CNTNAP2: variants seen among roughly 807,000 people sequenced by gnomAD.
The protein encoded by CNTNAP2 is contactin associated protein 2.
Under a neutral mutation model 155.2 loss-of-function variants are expected in CNTNAP2, and 98 were observed. The ratio of observed to expected loss-of-function variants is 0.63; its 90% confidence interval spans 0.54 to 0.75. The LOEUF is 0.75. CNTNAP2 is among the 30% of genes least tolerant of loss of function. The probability of loss-of-function intolerance (pLI) is 0.00; values close to 1 mark genes in which losing one functional copy is unlikely to be tolerated. For missense variants in CNTNAP2, 1,727 were observed against 1,688.1 expected (o/e 1.02, Z -0.40); for synonymous variants, 651 against 631.2 (o/e 1.03, Z -0.47).
chr7:148,247,619 CTCTCTCTATTTATTTATTTATT>C (rs56815738), intron 20 of CNTNAP2, among the ~76,000 whole-genome samples: 1,759 of 141,980 alleles, frequency 0.012, 28 homozygotes, highest in African/African-American at 0.042. Flanking sequence ...CTCTCTCTCT[CTCTCTCTATTTATTTATTTATT>C]TATTTATTTA....
chr7:147,083,920 T>C (rs1800206728), intron 4 of CNTNAP2, among the ~76,000 whole-genome samples: 1 of 139,702 alleles, frequency 7.2e-6, no homozygotes, highest in African/African-American at 2.6e-5. Context: ...CATATATACA[T>C]ATACACATGT....
chr7:148,178,653 C>T lies in CNTNAP2; in HGVS notation c.3010+6175C>T, dbSNP rs577692574. 1.4e-4 allele frequency among the ~76,000 whole-genome samples: 22 copies of T among 152,310 alleles called. 1 individual carries two copies. The highest frequency in any genetic ancestry group is 3.4e-3 in the Middle Eastern group (1 of 294). On this transcript the variant is annotated intron_variant, in intron 18 of 23. Coordinates refer to ENST00000361727, the MANE Select transcript of CNTNAP2 (RefSeq NM_014141.6). ...ATCCATCTTTCTCACATACCTGTTA[C>T]GTAACCTTAGGAAAATTGTTTGTCA... is the stretch of plus-strand genomic sequence containing the variant.
intron 15 of CNTNAP2, among the ~76,000 whole-genome samples, chr7:148,024,173 A>AAAAAAAAAAAAACC (rs796940228): frequency 6.8e-6 from 1 of 147,888 alleles, no homozygotes; most frequent in East Asian, 2.3e-4. Flanking sequence ...AAAAAAAAAA[A>AAAAAAAAAAAAACC]AAAAAACTTT....
intron 13 of CNTNAP2, among the ~76,000 whole-genome samples, chr7:147,872,200 T>C (rs902768097): frequency 1.3e-5 from 2 of 152,230 alleles, no homozygotes; most frequent in Non-Finnish European, 2.9e-5. Flanking sequence ...CAATTTCTGA[T>C]GTTATCATAC....
At chr7:148,414,176 A>G (rs1403913682) in intron 23 of CNTNAP2, among the ~76,000 whole-genome samples, 5 of 141,566 alleles carry the variant, frequency 3.5e-5, no homozygotes, top group African/African-American at 5.2e-5. Flanking sequence ...TCCCAGGTTC[A>G]AGCGATTCTC....
Position 147,675,320 on chromosome 7 carries a change from A to C in CNTNAP2, c.2098+36014A>C, listed in dbSNP as rs62480746. Among the ~76,000 whole-genome samples, 5 of 152,038 alleles carry C rather than the reference A, an allele frequency of 3.3e-5. No homozygotes were observed. In the South Asian group the frequency reaches 1.0e-3, roughly 32 times the overall value. On this transcript the variant is annotated intron_variant, in intron 13 of 23. Coordinates refer to ENST00000361727, the MANE Select transcript of CNTNAP2 (RefSeq NM_014141.6). The stretch of plus-strand genomic sequence containing the variant: ...TAATTTTGAGATCCTTAACTTAAAC[A>C]TATCTGCAAAAATCCAACTTTTCAA...
At chr7:147,993,404 T>C (rs990649525) in intron 15 of CNTNAP2, among the ~76,000 whole-genome samples, 3 of 152,226 alleles carry the variant, frequency 2.0e-5, no homozygotes, top group African/African-American at 4.8e-5. Flanking sequence ...TCATTTGTTA[T>C]TATTTAAGTA....
chr7:147,884,982 G>A (rs898817955), intron 13 of CNTNAP2, among the ~76,000 whole-genome samples: 12 of 152,354 alleles, frequency 7.9e-5, no homozygotes, highest in South Asian at 2.1e-4. Context: ...CATAAGCAGC[G>A]TCTTGCTCTG....
rs752626992 is a variant in CNTNAP2, at chr7:148,365,739, T to C, written c.3476-17910T>C. ...ATGTATACGTGTATATATGTATGTG[T>C]ATACATGTATACATGTATGTGTATA... On this transcript the variant is annotated intron_variant, in intron 21 of 23. Coordinates refer to ENST00000361727, the MANE Select transcript of CNTNAP2 (RefSeq NM_014141.6). Among the ~76,000 whole-genome samples the C allele has an allele frequency of 5.7e-3, 505 of 88,398 alleles. 87 individuals are homozygous for C. The highest frequency in any genetic ancestry group is 0.021 in the African/African-American group (485 of 23,476). The allele number at this position is 88,398 out of a possible 152,430, so 58.0% of individuals were successfully genotyped here.
intron 3 of CNTNAP2, among the ~76,000 whole-genome samples, chr7:147,023,335 T>C (rs1798847772): frequency 6.6e-6 from 1 of 152,208 alleles, no homozygotes. Context: ...CAAGGACCCA[T>C]TTATCATGCT....
intron 1 of CNTNAP2, among the ~76,000 whole-genome samples, chr7:146,605,688 A>G (rs1270432820): frequency 6.6e-6 from 1 of 152,202 alleles, no homozygotes; most frequent in African/African-American, 2.4e-5. Context: ...TTGAATCCAC[A>G]AAAAGAAGAT....
At chr7:146,335,244 G>A (rs1398622831) in intron 1 of CNTNAP2, among the ~76,000 whole-genome samples, 2 of 152,160 alleles carry the variant, frequency 1.3e-5, no homozygotes, top group East Asian at 1.9e-4. Flanking sequence ...CATCTTGAAT[G>A]TAGTGTTAGT....
intron 3 of CNTNAP2, among the ~76,000 whole-genome samples, chr7:146,974,295 A>T (rs1797863047): frequency 6.6e-6 from 1 of 151,894 alleles, no homozygotes; most frequent in Non-Finnish European, 1.5e-5. Context: ...AAAATTAGCC[A>T]GGTGTGGTGG....
intron 5 of CNTNAP2, among the ~76,000 whole-genome samples, chr7:147,110,366 T>A (rs936532756): frequency 7.1e-6 from 1 of 141,086 alleles, no homozygotes; most frequent in East Asian, 2.0e-4. Context: ...ACCTTTTTCT[T>A]TTTTTTTTTT....
chr7:147,121,179 T>G lies in CNTNAP2; in HGVS notation c.939+16T>G. 6.2e-7 allele frequency: 1 copy of G among 1,612,474 alleles called. No individual in the cohort carries two copies. On this transcript the variant is annotated intron_variant, in intron 6 of 23. Transcript: ENST00000361727. ...GGACTATGAGGTACATGTGATGACG[T>G]AGAAATTGTAATAAAATGTCAAGCA... is the stretch of plus-strand genomic sequence containing the variant.
rs1350339945 is a variant in CNTNAP2 at position 146,254,492 on chromosome 7, T to A, written c.97+137519T>A. On this transcript the variant is annotated intron_variant, in intron 1 of 23. Coordinates refer to ENST00000361727, the MANE Select transcript of CNTNAP2 (RefSeq NM_014141.6). ...TGAAAACAGGAAGTAAGACAGTAAA[T>A]GGAGGAAGTCATTTAGATTTGATAG... 2.0e-5 allele frequency among the ~76,000 whole-genome samples: 3 copies of A among 152,156 alleles called. No homozygotes were observed. The East Asian group carries it at 5.8e-4, about 29-fold the overall frequency.
At chr7:146,620,250 A>C (rs1799295055) in intron 1 of CNTNAP2, among the ~76,000 whole-genome samples, 1 of 152,082 alleles carries the variant, frequency 6.6e-6, no homozygotes, top group Non-Finnish European at 1.5e-5. Context: ...ATTGCATATA[A>C]ATGACACCTG....
intron 1 of CNTNAP2, among the ~76,000 whole-genome samples, chr7:146,403,548 G>A (rs977712385): frequency 2.6e-5 from 4 of 151,994 alleles, no homozygotes; most frequent in Non-Finnish European, 5.9e-5. Context: ...CTTTTGGGGG[G>A]AAAAGTTGAT....
intron 1 of CNTNAP2, among the ~76,000 whole-genome samples, chr7:146,243,546 TTTG>T (rs1799596833): frequency 6.6e-6 from 1 of 152,070 alleles, no homozygotes; most frequent in African/African-American, 2.4e-5. Flanking sequence ...AATATTGGGG[TTTG>T]TTGTATAGTG....
Sources: gnomAD v4.1 joint callset for allele counts (sites outside exome capture counted in the v4.1 genomes callset) on GRCh38, gnomAD v4.1.1 for gene constraint, MANE v1.5 for transcripts, NCBI Gene and HGNC (gene_info 2026-07-23, HGNC 2026-07-21) for gene names.